RUBCN: variants seen among roughly 807,000 people sequenced by gnomAD.
RUBCN encodes the protein run domain Beclin-1-interacting and cysteine-rich domain-containing protein.
In RUBCN, 74 loss-of-function variants were observed where a neutral mutation model predicts 113.2. The observed-to-expected ratio is 0.65, with a 90% CI of 0.54 to 0.79. The LOEUF is 0.79. Ranked by LOEUF, RUBCN falls within the 30% of genes least tolerant of loss-of-function variation. The probability of loss-of-function intolerance (pLI) is 0.00; values close to 1 mark genes in which losing one functional copy is unlikely to be tolerated. For synonymous variants in RUBCN, 480 were observed against 490.0 expected, an observed-to-expected ratio of 0.98 and a Z score of 0.27; for missense variants, 1,109 against 1,251.7, an observed-to-expected ratio of 0.89 and a Z score of 1.72.
chr3:197,720,510 C>T (rs1325924222), intron 1 of RUBCN, among the ~76,000 whole-genome samples: 4 of 151,950 alleles, frequency 2.6e-5, no homozygotes, highest in African/African-American at 7.3e-5. Flanking sequence ...CAGGTTCAAG[C>T]GATTCTCCTG....
chr3:197,715,730 C>T (rs1202568511), intron 2 of RUBCN, among the ~76,000 whole-genome samples: 5 of 152,202 alleles, frequency 3.3e-5, no homozygotes, highest in African/African-American at 1.2e-4. Context: ...AGCCACAGTA[C>T]CTATTAACTA....
chr3:197,676,816 A>G, intron 18 of RUBCN, 69 bp downstream of exon 18: 1 of 1,611,106 alleles, frequency 6.2e-7, no homozygotes, highest in Non-Finnish European at 8.5e-7. Context: ...CAAGAACCCC[A>G]GGTCCACCCC....
Position 197,674,845 on chromosome 3 carries a change from G to A in RUBCN, c.*173C>T, listed in dbSNP as rs1349919370. On this transcript the variant is annotated 3_prime_UTR_variant, in exon 20 of 20. Coordinates refer to ENST00000296343, the MANE Select transcript of RUBCN (RefSeq NM_014687.4). Reference sequence around the variant, plus strand: ...CAGACTCTGGACCCATCAACCTGCCGACGGCTGACTGCACACAGACGTCAG... The same window carrying A: ...CAGACTCTGGACCCATCAACCTGCCAACGGCTGACTGCACACAGACGTCAG... 2.2e-5 allele frequency: 13 copies of A among 580,774 alleles called. No individual in the cohort carries two copies. The highest frequency in any genetic ancestry group is 1.4e-4 in the African/African-American group (7 of 50,252). The allele number at this position is 580,774 out of a possible 1,614,324, so 36.0% of individuals were successfully genotyped here.
intron 1 of RUBCN, among the ~76,000 whole-genome samples, chr3:197,732,709 GGAGT>G (rs895571650): frequency 1.9e-4 from 29 of 152,182 alleles, no homozygotes; most frequent in African/African-American, 7.0e-4. Context: ...GCATCTGGCT[GGAGT>G]GATAGCTAGA....
rs769833806 is a variant in RUBCN, at chr3:197,700,841, T to G, written c.1033A>C (p.Asn345His). Residue 345 changes from asparagine to histidine, a missense_variant, in exon 7 of 20, where the codon AAT (asparagine) becomes CAT (histidine). Coordinates refer to ENST00000296343, the MANE Select transcript of RUBCN (RefSeq NM_014687.4). ...AAATTGGAACTGCTGCTCTCGGCAT[T>G]GCTGCTGTGACTCTGACAGCTGGCA... ...RTASCQSHSS[N>H]AESSSSNLFS... 5 of 1,614,192 alleles carry G rather than the reference T, an allele frequency of 3.1e-6. No individual in the cohort carries two copies. The highest frequency in any genetic ancestry group is 4.2e-6 in the Non-Finnish European group (5 of 1,180,032).
chr3:197,707,460 T>C (rs977211551), intron 2 of RUBCN, among the ~76,000 whole-genome samples: 1 of 152,164 alleles, frequency 6.6e-6, no homozygotes, highest in Admixed American at 6.6e-5. Context: ...ATTCAAGAAA[T>C]ATTGTTGAGA....
chr3:197,722,177 A>C (rs1045152137), intron 1 of RUBCN, among the ~76,000 whole-genome samples: 1 of 152,000 alleles, frequency 6.6e-6, no homozygotes, highest in Admixed American at 6.6e-5. Context: ...CAGGAGGCAA[A>C]GGTGGAGCTG....
chr3:197,677,107 C>G, intron 17 of RUBCN, 69 bp from the exon 18 acceptor site: 4 of 1,515,642 alleles, frequency 2.6e-6, no homozygotes, highest in Non-Finnish European at 3.7e-6. Flanking sequence ...TAGAAGGATC[C>G]CTATCCAGAA....
rs1721504041 is a variant in RUBCN, at chr3:197,683,537, G to T, written c.1848-98C>A. On this transcript the variant is annotated intron_variant, in intron 12 of 19. Coordinates refer to ENST00000296343, the MANE Select transcript of RUBCN (RefSeq NM_014687.4). The surrounding 1 kb of genome is among the most constrained non-coding windows in gnomAD (Gnocchi z 4.6). Reference sequence around the variant, plus strand: ...TCATCCCCCACGCAGCAACTTCTGGGCTGGAAGAACACCCGCAGCACCCTG... The same window carrying T: ...TCATCCCCCACGCAGCAACTTCTGGTCTGGAAGAACACCCGCAGCACCCTG... 2.8e-6 allele frequency: 4 copies of T among 1,412,260 alleles called. No individual in the cohort carries two copies. Among genetic ancestry groups the T allele is most frequent in the Non-Finnish European group, 3.9e-6 (4 of 1,013,546 alleles). The allele number at this position is 1,412,260 out of a possible 1,614,324, so 87.5% of individuals were successfully genotyped here.
In RUBCN at chr3:197,694,546, C is replaced by T; in HGVS notation, c.1513G>A (p.Ala505Thr). Residue 505 changes from alanine to threonine, a missense_variant, in exon 10 of 20, where the codon GCC becomes ACC. By Grantham distance (58) the Ala-to-Thr change is moderately conservative (BLOSUM62 0). This residue lies in a region of RUBCN where 736 missense variants were observed against 779.6 expected (regional missense o/e 0.94). Transcript: ENST00000296343. ...HFSISESLIA[A>T]IELMKCNMMS... ...ATGTTGCACTTCATTAGCTCGATGG[C>T]AGCAATTAAGGACTCTGAGATGCTG... The T allele has an allele frequency of 3.7e-6, 6 of 1,614,200 alleles. No homozygotes were observed. The highest frequency in any genetic ancestry group is 5.1e-6 in the Non-Finnish European group (6 of 1,180,028).
Position 197,696,045 on chromosome 3 carries a change from T to A in RUBCN, c.1358-64A>T, listed in dbSNP as rs568822714. On this transcript the variant is annotated intron_variant, in intron 8 of 19. Coordinates refer to ENST00000296343, the MANE Select transcript of RUBCN (RefSeq NM_014687.4). Reference sequence around the variant, plus strand: ...TTCAGGAAGTCTTAAGCTTTTGTCATTAAAGATGCTCCCAAGTCTTCCCAG... The same window carrying A: ...TTCAGGAAGTCTTAAGCTTTTGTCAATAAAGATGCTCCCAAGTCTTCCCAG... 2.9e-4 allele frequency: 428 copies of A among 1,464,448 alleles called. 6 individuals are homozygous for A. The South Asian group carries it at 4.8e-3, about 16-fold the overall frequency. 90.7% of individuals were successfully genotyped at this position (1,464,448 alleles called of 1,614,324 possible).
In RUBCN at chr3:197,736,812, A is replaced by ACCC. The variant is rs1161511725; in HGVS notation, c.-94_-93insGGG. 1.4e-6 allele frequency: 2 copies of ACCC among 1,443,574 alleles called. No individual in the cohort carries two copies. Among genetic ancestry groups the ACCC allele is most frequent in the East Asian group, 5.5e-5 (2 of 36,624 alleles). 89.4% of individuals were successfully genotyped at this position (1,443,574 alleles called of 1,614,324 possible). On this transcript the variant is annotated 5_prime_UTR_variant, in exon 1 of 20. Transcript: ENST00000296343. The stretch of plus-strand genomic sequence containing the variant: ...GGGGCCCCCTGGGGCCGGAGGAGGC[A>ACCC]CCTGCGGCCGGTGGGCTCCGGGTGA...
At chr3:197,732,018 G>A (rs1727564079) in intron 1 of RUBCN, among the ~76,000 whole-genome samples, 2 of 152,244 alleles carry the variant, frequency 1.3e-5, no homozygotes, top group South Asian at 2.1e-4. Context: ...TCACTCTGAC[G>A]CTCTGGCATG....
Position 197,703,592 on chromosome 3 carries a change from CCACTGCTTCCAGG to C in RUBCN, c.513_525del (p.Cys171TrpfsTer27). 1 of 1,613,890 alleles carries C rather than the reference CCACTGCTTCCAGG, an allele frequency of 6.2e-7. No homozygotes were observed. The highest frequency in any genetic ancestry group is 8.5e-7 in the Non-Finnish European group (1 of 1,179,918). ...GCCAGGAGGCGGGGGTTGTTCTGTT[CCACTGCTTCCAGG>C]CACTGCAGCATGGCCGTGACATGAG... is the stretch of plus-strand genomic sequence containing the variant. On this transcript the variant is annotated frameshift_variant, in exon 5 of 20. Transcript: ENST00000296343. LOFTEE classifies it high-confidence loss of function.
intron 1 of RUBCN, among the ~76,000 whole-genome samples, chr3:197,747,305 T>C (rs1728787868): frequency 6.6e-6 from 1 of 151,976 alleles, no homozygotes; most frequent in African/African-American, 2.4e-5. Flanking sequence ...GACTGTTTAA[T>C]CAAATACTGC....
In RUBCN at chr3:197,703,560, G is replaced by A. The variant is rs774034505; in HGVS notation, c.558C>T (p.Ile186=). ...TTGTCCCCTGTACCATGGACGCATC[G>A]ATCTGAGCCAGGAGGCGGGGGTTGT... ...EQNNPRLLAQ[I]DASMFARKHE... Residue 186 remains isoleucine (I), a synonymous_variant, in exon 5 of 20, where the codon ATC becomes ATT. Transcript: ENST00000296343. The A allele has an allele frequency of 1.8e-5, 29 of 1,611,168 alleles. No homozygotes were observed. Among genetic ancestry groups the A allele is most frequent in the African/African-American group, 6.7e-5 (5 of 74,830 alleles).
chr3:197,737,053 C>CCAGGCCGCTCCCG, upstream of RUBCN: 1 of 666,758 alleles, frequency 1.5e-6, no homozygotes, highest in Non-Finnish European at 2.0e-6. Flanking sequence ...CCCTCCAATC[C>CCAGGCCGCTCCCG]CAGGCCGCTC....
intron 16 of RUBCN, among the ~76,000 whole-genome samples, chr3:197,679,748 C>T (rs1444034697): frequency 5.2e-5 from 7 of 134,242 alleles, no homozygotes; most frequent in South Asian, 2.6e-4. Flanking sequence ...ACAACTGGCT[C>T]CAGACTGTCC....
intron 1 of RUBCN, among the ~76,000 whole-genome samples, chr3:197,735,257 G>A (rs570686889): frequency 2.0e-5 from 3 of 152,352 alleles, no homozygotes; most frequent in African/African-American, 7.2e-5. Context: ...AAAGTAGCCA[G>A]ATGTGGTAGC....
Sources: allele counts gnomAD v4.1 joint callset (sites outside exome capture counted in the v4.1 genomes callset), GRCh38; gene constraint gnomAD v4.1.1; regional missense constraint gnomAD v4.1.1; non-coding constraint Gnocchi (gnomAD v3.1); transcripts MANE v1.5; gene names NCBI Gene and HGNC (gene_info 2026-07-23, HGNC 2026-07-21).